RBFOX2: variants seen among roughly 807,000 people sequenced by gnomAD.
RBFOX2 encodes the protein RNA binding protein fox-1 homolog 2.
A neutral mutation model predicts 49.1 loss-of-function variants in RBFOX2; 10 were observed. That is an observed-to-expected ratio of 0.20 (90% confidence interval 0.13 to 0.35). The LOEUF is 0.35. Ranked by LOEUF, RBFOX2 falls within the 10% of genes least tolerant of loss-of-function variation. The pLI is 1.00. For missense variants in RBFOX2, 323 were observed against 486.9 expected, an observed-to-expected ratio of 0.66 and a Z score of 3.17; for synonymous variants, 183 against 187.4, an observed-to-expected ratio of 0.98 and a Z score of 0.19.
At chr22:35,813,454 AAAG>A (rs1468541542) in intron 1 of RBFOX2, among the ~76,000 whole-genome samples, 1 of 152,192 alleles carries the variant, frequency 6.6e-6, no homozygotes, top group African/African-American at 2.4e-5. Flanking sequence ...TCATCTGAGA[AAAG>A]AAATTACTAG....
intron 1 of RBFOX2, among the ~76,000 whole-genome samples, chr22:35,857,331 A>G (rs2042625901): frequency 6.6e-6 from 1 of 152,254 alleles, no homozygotes; most frequent in South Asian, 2.1e-4. Flanking sequence ...ACAAGAGGTT[A>G]CAGATGACTA....
chr22:35,912,064 T>A (rs2049894906), intron 1 of RBFOX2, among the ~76,000 whole-genome samples: 1 of 152,184 alleles, frequency 6.6e-6, no homozygotes, highest in Non-Finnish European at 1.5e-5. Flanking sequence ...CAATGACACA[T>A]CTTATCTCAG....
intron 1 of RBFOX2, among the ~76,000 whole-genome samples, chr22:35,891,506 A>C (rs770762482): frequency 5.9e-5 from 9 of 152,194 alleles, no homozygotes; most frequent in Non-Finnish European, 1.2e-4. Context: ...ATGGGCATTC[A>C]TTAAATGTTG....
chr22:35,859,317 C>T (rs1357652087), intron 1 of RBFOX2, among the ~76,000 whole-genome samples: 1 of 152,088 alleles, frequency 6.6e-6, no homozygotes, highest in African/African-American at 2.4e-5. Context: ...GGCAGTGGAA[C>T]AACTTTTCAA....
chr22:35,758,501 G>T (rs1011522904), intron 9 of RBFOX2, among the ~76,000 whole-genome samples: 2 of 152,082 alleles, frequency 1.3e-5, no homozygotes, highest in Admixed American at 6.5e-5. Context: ...CTTCCAAAAG[G>T]TTCCTTTTAA....
intron 1 of RBFOX2, among the ~76,000 whole-genome samples, chr22:36,021,327 C>T (rs531132534): frequency 6.6e-6 from 1 of 152,102 alleles, no homozygotes; most frequent in East Asian, 1.9e-4. Flanking sequence ...GCCACACCAA[C>T]ATGGCACATG....
Position 35,878,879 on chromosome 22 carries a change from C to T in RBFOX2, c.-34+59968G>A, listed in dbSNP as rs527573280. Among the ~76,000 whole-genome samples the T allele has an allele frequency of 1.5e-3, 227 of 152,206 alleles. 3 individuals carry two copies. The South Asian group carries it at 0.046, about 31-fold the overall frequency. ...CAGAGTGGCTGGGACTACAGGCGCC[C>T]GCCACCACACCCGGCTAATTTTTTG... On this transcript the variant is annotated intron_variant, in intron 1 of 13. Coordinates refer to the RBFOX2 transcript ENST00000359369.
At chr22:35,823,861 AATATGTGGCCGG>A (rs1429261348) in intron 1 of RBFOX2, among the ~76,000 whole-genome samples, 1 of 152,196 alleles carries the variant, frequency 6.6e-6, no homozygotes, top group Non-Finnish European at 1.5e-5. Context: ...ATCAAAACTA[AATATGTGGCCGG>A]ATGCAGTGGC....
intron 1 of RBFOX2, among the ~76,000 whole-genome samples, chr22:36,004,422 C>CT (rs2146287635): frequency 6.6e-6 from 1 of 152,148 alleles, no homozygotes; most frequent in East Asian, 1.9e-4. Flanking sequence ...CTACCTGAAC[C>CT]CATTCATCTC....
intron 1 of RBFOX2, among the ~76,000 whole-genome samples, chr22:35,950,109 ATTTT>A (rs146393323): frequency 9.3e-6 from 1 of 107,984 alleles, no homozygotes; most frequent in Non-Finnish European, 2.0e-5. Flanking sequence ...GTCCAACTTC[ATTTT>A]TTTTTTTTTT....
At chr22:35,776,903 C>T (rs1048706940) in intron 4 of RBFOX2, among the ~76,000 whole-genome samples, 5 of 151,818 alleles carry the variant, frequency 3.3e-5, no homozygotes, top group South Asian at 2.1e-4. Flanking sequence ...TTCACAACAC[C>T]ACTGTAAGTC....
intron 1 of RBFOX2, among the ~76,000 whole-genome samples, chr22:35,948,282 C>G (rs950015292): frequency 2.6e-5 from 4 of 152,136 alleles, no homozygotes; most frequent in African/African-American, 7.2e-5. Context: ...GTCATCAATT[C>G]CTGTTTGGCT....
chr22:35,842,009 AT>A (rs778621740), upstream of RBFOX2, among the ~76,000 whole-genome samples: 14 of 152,216 alleles, frequency 9.2e-5, no homozygotes, highest in Non-Finnish European at 1.9e-4. Context: ...CCAAGGCAAC[AT>A]GGCAAATCCC....
exon 12 of RBFOX2, chr22:35,739,868 G>C (rs1928960216): frequency 6.6e-6 from 1 of 152,604 alleles, no homozygotes; most frequent in African/African-American, 2.4e-5. Flanking sequence ...AAAAGGCAAG[G>C]CTTGAGTTTT....
chr22:35,756,274 T>C, intron 9 of RBFOX2, 130 bp from the exon 11 acceptor site: 1 of 699,010 alleles, frequency 1.4e-6, no homozygotes. Context: ...TAACCTGGGC[T>C]TGGGGCCTCG....
chr22:35,979,655 T>C (rs1298815945), intron 1 of RBFOX2, among the ~76,000 whole-genome samples: 3 of 152,192 alleles, frequency 2.0e-5, no homozygotes, highest in Non-Finnish European at 2.9e-5. Context: ...TGGGGTGTTT[T>C]GTGGGTTGTT....
chr22:35,881,146 T>G (rs957756675), intron 1 of RBFOX2, among the ~76,000 whole-genome samples: 2 of 152,084 alleles, frequency 1.3e-5, no homozygotes, highest in Admixed American at 1.3e-4. Flanking sequence ...GCGCCTGTAG[T>G]CCAGCCACTC....
intron 1 of RBFOX2, chr22:35,897,585 G>T: frequency 1.0e-6 from 1 of 979,232 alleles, no homozygotes; most frequent in South Asian, 1.3e-5. Context: ...CCAGGTCAAA[G>T]AGGAGATATC....
At chr22:35,933,410 C>T (rs751083401) in intron 1 of RBFOX2, among the ~76,000 whole-genome samples, 11 of 152,170 alleles carry the variant, frequency 7.2e-5, no homozygotes, top group Non-Finnish European at 1.3e-4. Context: ...TAGTACACTA[C>T]AGCTTAAATA....
Sources: allele counts gnomAD v4.1 joint callset (sites outside exome capture counted in the v4.1 genomes callset), GRCh38; gene constraint gnomAD v4.1.1; transcripts MANE v1.5; gene names NCBI Gene and HGNC (gene_info 2026-07-23, HGNC 2026-07-21).